FDX2: variants seen among roughly 807,000 people sequenced by gnomAD.
FDX2 encodes the protein ferredoxin-2, mitochondrial.
In FDX2, 13 loss-of-function variants were observed where a neutral mutation model predicts 18.5. The ratio of observed to expected loss-of-function variants is 0.70; its 90% confidence interval spans 0.46 to 1.12. The LOEUF is 1.12. Among genes scored for constraint, FDX2 ranks in the 50% most tolerant of loss-of-function variants. FDX2 has a pLI of 0.00. For missense variants in FDX2, 238 were observed against 250.4 expected, an observed-to-expected ratio of 0.95 and a Z score of 0.34; for synonymous variants, 132 against 106.2, an observed-to-expected ratio of 1.24 and a Z score of -1.49.
Position 10,315,533 on chromosome 19 carries a change from G to A in FDX2, c.210-41C>T, listed in dbSNP as rs1186662682. 1.3e-5 allele frequency: 21 copies of A among 1,599,670 alleles called. No individual in the cohort carries two copies. The East Asian group carries it at 4.5e-4, about 34-fold the overall frequency. The stretch of plus-strand genomic sequence containing the variant: ...AGTGCGAATGCCGAACTGGATGATG[G>A]GCTCAGGGCCCGGGTAGAATCTAGG... On this transcript the variant is annotated intron_variant, in intron 2 of 4. Transcript: ENST00000393708.
chr19:10,315,873 T>C lies in FDX2; in HGVS notation c.133A>G (p.Thr45Ala). The stretch of plus-strand genomic sequence containing the variant: ...GTACCTGTCGCTTGAAACTTTCTGG[T>C]TGTCCCCAGCGCCACCCCCTCCCCC... Residue 45 changes from threonine (T) to alanine (A), a missense_variant, in exon 1 of 5, where the codon ACC (threonine) becomes GCC (alanine). Thr to Ala is a moderately conservative substitution (Grantham distance 58). Coordinates refer to ENST00000393708, the MANE Select transcript of FDX2 (RefSeq NM_001031734.4). 1 of 1,601,098 alleles carries C rather than the reference T, an allele frequency of 6.2e-7. No homozygotes were observed. Among genetic ancestry groups the C allele is most frequent in the Non-Finnish European group, 8.5e-7 (1 of 1,175,842 alleles).
chr19:10,310,992 G>A, intron 3 of FDX2, 52 bp from the exon 4 acceptor site: 4 of 1,370,976 alleles, frequency 2.9e-6, no homozygotes, highest in Non-Finnish European at 4.1e-6. Flanking sequence ...TCAGGAAGGG[G>A]CTGCTATGCG....
At chr19:10,311,041 C>T in intron 3 of FDX2, 101 bp from the exon 4 acceptor site, 1 of 779,964 alleles carries the variant, frequency 1.3e-6, no homozygotes, top group Middle Eastern at 3.6e-4. Context: ...CACCACGTGC[C>T]TCACGTCTCC....
At chr19:10,313,056 T>A (rs1278284176) in intron 3 of FDX2, among the ~76,000 whole-genome samples, 3 of 152,194 alleles carry the variant, frequency 2.0e-5, no homozygotes, top group African/African-American at 7.2e-5. Flanking sequence ...GAGAATCACT[T>A]GAACCCTGGA....
At position 10,310,822 on chromosome 19, in the gene FDX2, G is replaced by A. The variant is rs780014484; in HGVS notation, c.404+31C>T. 4 of 1,605,214 alleles carry A rather than the reference G, an allele frequency of 2.5e-6. No homozygotes were observed. In the Admixed American group the frequency reaches 6.7e-5, roughly 27 times the overall value. ...GGGCTGCTGAATGCTCCAGGGTGAAGCTGCCAGCTAGACAGGGCTGACCCA... is the reference window on the plus strand; with the variant it reads ...GGGCTGCTGAATGCTCCAGGGTGAAACTGCCAGCTAGACAGGGCTGACCCA... On this transcript the variant is annotated intron_variant, in intron 4 of 4. Transcript: ENST00000393708.
chr19:10,313,794 C>G (rs1301836390), intron 3 of FDX2, among the ~76,000 whole-genome samples: 1 of 143,934 alleles, frequency 6.9e-6, no homozygotes, highest in African/African-American at 2.6e-5. Context: ...ATGCCATTCT[C>G]CTGCCTCAGC....
At chr19:10,314,360 T>C (rs1041384659) in intron 3 of FDX2, among the ~76,000 whole-genome samples, 2 of 152,146 alleles carry the variant, frequency 1.3e-5, no homozygotes, top group African/African-American at 4.8e-5. Flanking sequence ...CAGATAAGCA[T>C]GAATAAGGAC....
chr19:10,312,692 C>A (rs1468574643), intron 3 of FDX2, among the ~76,000 whole-genome samples: 2 of 152,122 alleles, frequency 1.3e-5, no homozygotes, highest in Non-Finnish European at 2.9e-5. Flanking sequence ...TGCCACCATG[C>A]CTGGCTAATT....
chr19:10,315,318 G>GAT (rs374084891), intron 3 of FDX2, 68 bp downstream of exon 3: 2 of 428,586 alleles, frequency 4.7e-6, no homozygotes, highest in Non-Finnish European at 7.0e-6. Flanking sequence ...CTAATTTGTG[G>GAT]GTTTTTTTTT....
chr19:10,312,887 A>G (rs1335657846), intron 3 of FDX2, among the ~76,000 whole-genome samples: 1 of 152,090 alleles, frequency 6.6e-6, no homozygotes, highest in Non-Finnish European at 1.5e-5. Context: ...CTGTAATCCC[A>G]GCACTTTGGG....
intron 3 of FDX2, among the ~76,000 whole-genome samples, chr19:10,313,668 T>TATATATATATATAC (rs2040347477): frequency 2.2e-5 from 1 of 45,908 alleles, no homozygotes; most frequent in Non-Finnish European, 3.9e-5. Context: ...TATATATATA[T>TATATATATATATAC]ATATTTTTTT....
At chr19:10,313,876 G>C (rs1401721023) in intron 3 of FDX2, among the ~76,000 whole-genome samples, 2 of 150,182 alleles carry the variant, frequency 1.3e-5, no homozygotes, top group Non-Finnish European at 3.0e-5. Flanking sequence ...ATTAGAGACG[G>C]GGTTTCACCA....
intron 3 of FDX2, among the ~76,000 whole-genome samples, chr19:10,311,396 A>ATTTTTT (rs34974235): frequency 7.0e-6 from 1 of 143,438 alleles, no homozygotes; most frequent in African/African-American, 2.5e-5. Flanking sequence ...AGGCATTAGG[A>ATTTTTT]TTTTGTTTTT....
At chr19:10,312,018 C>G (rs905301098) in intron 3 of FDX2, among the ~76,000 whole-genome samples, 1 of 151,324 alleles carries the variant, frequency 6.6e-6, no homozygotes, top group Non-Finnish European at 1.5e-5. Context: ...TTACAGGTGC[C>G]CACCATCACG....
intron 3 of FDX2, among the ~76,000 whole-genome samples, chr19:10,314,190 G>A (rs1159662487): frequency 6.6e-6 from 1 of 150,432 alleles, no homozygotes; most frequent in African/African-American, 2.5e-5. Flanking sequence ...CGCCATGTTG[G>A]CCAGACTAGT....
In FDX2 at chr19:10,315,317, G is replaced by GT. The variant is rs1491139221; in HGVS notation, c.316+68_316+69insA. ...ACGTGAAGAGACACACCTAATTTGT[G>GT]GGTTTTTTTTTTTTTTTTTTTGGAC... On this transcript the variant is annotated intron_variant, in intron 3 of 4. Coordinates refer to ENST00000393708, the MANE Select transcript of FDX2 (RefSeq NM_001031734.4). 3.3e-5 allele frequency: 7 copies of GT among 212,896 alleles called. No individual in the cohort carries two copies. The South Asian group carries it at 3.4e-4, about 10-fold the overall frequency. The allele number at this position is 212,896 out of a possible 1,614,324, so 13.2% of individuals were successfully genotyped here.
intron 3 of FDX2, among the ~76,000 whole-genome samples, chr19:10,312,308 C>G (rs549934167): frequency 6.6e-6 from 1 of 151,524 alleles, no homozygotes; most frequent in East Asian, 1.9e-4. Flanking sequence ...TGCCACTGCA[C>G]CAGACCAGGA....
rs1568308040 is a variant in FDX2 at position 10,315,734 on chromosome 19, G to A, written c.180C>T (p.Asp60=). The A allele has an allele frequency of 2.6e-6, 4 of 1,567,072 alleles. No individual in the cohort carries two copies. Among genetic ancestry groups the A allele is most frequent in the South Asian group, 1.2e-5 (1 of 86,010 alleles). Residue 60 remains aspartate, a synonymous_variant, in exon 2 of 5, where the codon GAC becomes GAT. Coordinates refer to ENST00000393708, the MANE Select transcript of FDX2 (RefSeq NM_001031734.4). ...CCCCGGGCCGCTCCGGGCCGCCCGC[G>A]TCCTCCTCTCCAGCCGGGCGCGAGC... is the stretch of plus-strand genomic sequence containing the variant.
intron 3 of FDX2, among the ~76,000 whole-genome samples, chr19:10,314,604 T>C (rs185283963): frequency 6.6e-4 from 101 of 152,078 alleles, no homozygotes; most frequent in African/African-American, 2.3e-3. Flanking sequence ...ATATATCATA[T>C]CACACTGATA....
Sources: gnomAD v4.1 joint callset for allele counts (sites outside exome capture counted in the v4.1 genomes callset) on GRCh38, gnomAD v4.1.1 for gene constraint, MANE v1.5 for transcripts, NCBI Gene and HGNC (gene_info 2026-07-23, HGNC 2026-07-21) for gene names.